Variants in TCF7L1 observed in about 807,000 individuals in gnomAD.
TCF7L1 encodes the protein transcription factor 7 like 1.
TCF7L1 carries 18 observed loss-of-function variants against 63.7 expected under a neutral mutation model. The ratio of observed to expected loss-of-function variants is 0.28; its 90% CI spans 0.20 to 0.42. The LOEUF is 0.42. TCF7L1 is among the 10% of genes least tolerant of loss of function. TCF7L1 has a pLI of 1.00. For synonymous variants in TCF7L1, 355 were observed against 340.9 expected (o/e 1.04, Z -0.46); for missense variants, 654 against 779.3 (o/e 0.84, Z 1.91).
Position 85,137,533 on chromosome 2 carries a change from T to A in TCF7L1, c.441+3083T>A, listed in dbSNP as rs928566571. 3.3e-5 allele frequency among the ~76,000 whole-genome samples: 5 copies of A among 152,220 alleles called. No individual in the cohort carries two copies. In the East Asian group the frequency reaches 9.6e-4, roughly 29 times the overall value. On this transcript the variant is annotated intron_variant, in intron 3 of 11. Coordinates refer to ENST00000282111, the MANE Select transcript of TCF7L1 (RefSeq NM_031283.3). ...AAATAATCACCTCAAAATTATACAT[T>A]CATTTCTGAAAAGGCTTCACGGTTT... is the stretch of plus-strand genomic sequence containing the variant.
intron 3 of TCF7L1, among the ~76,000 whole-genome samples, chr2:85,254,461 G>T (rs1056010536): frequency 2.0e-5 from 3 of 152,192 alleles, no homozygotes; most frequent in African/African-American, 4.8e-5. Context: ...GGGCTTGAAG[G>T]TTGTTTCATA....
chr2:85,184,384 G>A (rs1214887704), intron 3 of TCF7L1, among the ~76,000 whole-genome samples: 1 of 152,136 alleles, frequency 6.6e-6, no homozygotes, highest in Non-Finnish European at 1.5e-5. Flanking sequence ...AGTGGAGTCC[G>A]CCTGAAGATT....
At chr2:85,193,350 A>T (rs1450633429) in intron 3 of TCF7L1, among the ~76,000 whole-genome samples, 5 of 152,126 alleles carry the variant, frequency 3.3e-5, no homozygotes, top group Non-Finnish European at 7.3e-5. Context: ...TCTGGGTGGG[A>T]TACTGATCAT....
chr2:85,259,110 A>G (rs192458420), intron 3 of TCF7L1, among the ~76,000 whole-genome samples: 2 of 152,212 alleles, frequency 1.3e-5, no homozygotes, highest in East Asian at 3.9e-4. Context: ...CCCAAGACAC[A>G]TTGTCATTCT....
chr2:85,308,991 G>A, intron 11 of TCF7L1, 38 bp from the exon 12 acceptor site: 1 of 1,548,328 alleles, frequency 6.5e-7, no homozygotes, highest in Non-Finnish European at 8.7e-7. Context: ...CTCTCACAGA[G>A]CTATAGCTGC....
At chr2:85,165,187 A>G (rs1678387765) in intron 3 of TCF7L1, among the ~76,000 whole-genome samples, 1 of 152,180 alleles carries the variant, frequency 6.6e-6, no homozygotes, top group Non-Finnish European at 1.5e-5. Context: ...GTAAGTGGAG[A>G]TAACTCTAGA....
At chr2:85,298,569 C>T (rs544449196) in intron 4 of TCF7L1, among the ~76,000 whole-genome samples, 5 of 150,778 alleles carry the variant, frequency 3.3e-5, no homozygotes, top group Non-Finnish European at 7.4e-5. Context: ...CTTGTACCAA[C>T]TCTAGAAACA....
At chr2:85,182,171 T>C (rs1346626772) in intron 3 of TCF7L1, among the ~76,000 whole-genome samples, 1 of 152,128 alleles carries the variant, frequency 6.6e-6, no homozygotes, top group African/African-American at 2.4e-5. Flanking sequence ...AAAACTGAGC[T>C]TGTTCGTCAG....
At chr2:85,210,181 A>G (rs945289616) in intron 3 of TCF7L1, among the ~76,000 whole-genome samples, 4 of 152,200 alleles carry the variant, frequency 2.6e-5, no homozygotes, top group African/African-American at 9.6e-5. Context: ...CTGGCTCCTT[A>G]TAGTAACCCA....
chr2:85,245,456 A>C (rs1680437825), intron 3 of TCF7L1, among the ~76,000 whole-genome samples: 1 of 152,188 alleles, frequency 6.6e-6, no homozygotes, highest in Non-Finnish European at 1.5e-5. Context: ...CAGAAGTCCC[A>C]GATGGGGACC....
At chr2:85,225,586 A>G (rs930690539) in intron 3 of TCF7L1, among the ~76,000 whole-genome samples, 4 of 152,018 alleles carry the variant, frequency 2.6e-5, no homozygotes, top group Non-Finnish European at 5.9e-5. Context: ...TTTGTCTGTT[A>G]TTGGTGTATG....
intron 3 of TCF7L1, among the ~76,000 whole-genome samples, chr2:85,232,219 G>A (rs528155327): frequency 6.6e-6 from 1 of 152,244 alleles, no homozygotes; most frequent in Admixed American, 6.5e-5. Context: ...TCTGTCTTTT[G>A]TTTTCTGCTC....
At chr2:85,276,662 G>A (rs1681278722) in intron 3 of TCF7L1, among the ~76,000 whole-genome samples, 1 of 152,114 alleles carries the variant, frequency 6.6e-6, no homozygotes, top group Admixed American at 6.5e-5. Flanking sequence ...TCAGGCAGAG[G>A]CTGTTCAACC....
At chr2:85,177,666 C>G (rs959969671) in intron 3 of TCF7L1, among the ~76,000 whole-genome samples, 3 of 152,088 alleles carry the variant, frequency 2.0e-5, no homozygotes, top group African/African-American at 7.2e-5. Flanking sequence ...GATTGCGCCA[C>G]TGCACTCCAG....
chr2:85,285,532 G>A (rs1176796249), intron 4 of TCF7L1, among the ~76,000 whole-genome samples: 1 of 152,238 alleles, frequency 6.6e-6, no homozygotes, highest in African/African-American at 2.4e-5. Flanking sequence ...TCTGCAGCCA[G>A]TCGCCAAGGC....
intron 3 of TCF7L1, among the ~76,000 whole-genome samples, chr2:85,203,192 G>T (rs1280418986): frequency 6.6e-6 from 1 of 152,128 alleles, no homozygotes; most frequent in East Asian, 1.9e-4. Context: ...TCTCTGTTCA[G>T]TCAATTTTAA....
chr2:85,172,245 G>A lies in TCF7L1; in HGVS notation c.441+37795G>A, dbSNP rs116496624. Among the ~76,000 whole-genome samples the A allele has an allele frequency of 8.2e-3, 1,249 of 152,108 alleles. 30 individuals are homozygous for A. Among genetic ancestry groups the A allele is most frequent in the South Asian group, 0.078 (372 of 4,796 alleles). On this transcript the variant is annotated intron_variant, in intron 3 of 11. Transcript: ENST00000282111. Reference sequence around the variant, plus strand: ...ATGGGGTGCCATTGAGGTAATGGTCGGCCCTCCTCTCCCTTGGAGAGAAGG... The same window carrying A: ...ATGGGGTGCCATTGAGGTAATGGTCAGCCCTCCTCTCCCTTGGAGAGAAGG...
chr2:85,136,916 A>G (rs1003622323), intron 3 of TCF7L1, among the ~76,000 whole-genome samples: 1 of 152,188 alleles, frequency 6.6e-6, no homozygotes, highest in Non-Finnish European at 1.5e-5. Flanking sequence ...GTAGGTACAG[A>G]CAAAGTGGCC....
chr2:85,178,123 A>G (rs1574092286), intron 3 of TCF7L1, among the ~76,000 whole-genome samples: 1 of 152,334 alleles, frequency 6.6e-6, no homozygotes, highest in East Asian at 1.9e-4. Context: ...AGGTAGGGCT[A>G]CACTACGCTC....
Sources: allele counts gnomAD v4.1 joint callset (sites outside exome capture counted in the v4.1 genomes callset), GRCh38; gene constraint gnomAD v4.1.1; transcripts MANE v1.5; gene names NCBI Gene and HGNC (gene_info 2026-07-23, HGNC 2026-07-21).